Variants in GRID2 observed in about 807,000 individuals in gnomAD.
The protein encoded by GRID2 is glutamate receptor ionotropic, delta-2.
In GRID2, 33 loss-of-function variants were observed where a neutral mutation model predicts 114.8. That is an observed-to-expected ratio of 0.29 (90% CI 0.22 to 0.38). The LOEUF is 0.38. Ranked by LOEUF, GRID2 falls within the 10% of genes least tolerant of loss-of-function variation. The pLI is 1.00. For missense variants in GRID2, 1,184 were observed against 1,257.7 expected (o/e 0.94, Z 0.89); for synonymous variants, 505 against 449.9 (o/e 1.12, Z -1.55).
At chr4:93,576,104 T>TGTAACATCCTATG (rs1485540507) in intron 13 of GRID2, among the ~76,000 whole-genome samples, 1 of 152,248 alleles carries the variant, frequency 6.6e-6, no homozygotes, top group Non-Finnish European at 1.5e-5. Flanking sequence ...CATCCTATGA[T>TGTAACATCCTATG]ATAAGGATAT....
chr4:92,836,564 T>C (rs982539268), intron 2 of GRID2, among the ~76,000 whole-genome samples: 17 of 152,096 alleles, frequency 1.1e-4, no homozygotes, highest in African/African-American at 4.1e-4. Flanking sequence ...AATATTTGCA[T>C]TGTTATATAT....
chr4:92,518,885 G>A (rs1412384310), intron 1 of GRID2, among the ~76,000 whole-genome samples: 1 of 151,688 alleles, frequency 6.6e-6, no homozygotes, highest in African/African-American at 2.4e-5. Context: ...TTGCCACATA[G>A]TTTATCACAA....
intron 1 of GRID2, among the ~76,000 whole-genome samples, chr4:92,402,109 T>G (rs750967121): frequency 6.6e-6 from 1 of 152,210 alleles, no homozygotes; most frequent in Non-Finnish European, 1.5e-5. Flanking sequence ...TTCTTATCTA[T>G]TCAAGTTTTA....
rs555498450 is a variant in GRID2 at position 92,959,221 on chromosome 4, T to C, written c.245-125774T>C. ...CTCTGGTTTTTAGTACTACTATTAT[T>C]ACTTCCAGTTACTTTTTATTTAATT... On this transcript the variant is annotated intron_variant, in intron 2 of 15. Transcript: ENST00000282020. 7.0e-4 allele frequency among the ~76,000 whole-genome samples: 107 copies of C among 151,962 alleles called. 5 individuals are homozygous for C. In the South Asian group the frequency reaches 0.021, roughly 30 times the overall value.
chr4:93,007,566 A>G (rs1721677849), intron 2 of GRID2, among the ~76,000 whole-genome samples: 1 of 152,164 alleles, frequency 6.6e-6, no homozygotes, highest in Non-Finnish European at 1.5e-5. Flanking sequence ...TGTGAATACT[A>G]TACTCACAAG....
At chr4:92,921,978 G>A (rs1749385366) in intron 2 of GRID2, among the ~76,000 whole-genome samples, 1 of 152,198 alleles carries the variant, frequency 6.6e-6, no homozygotes, top group Admixed American at 6.5e-5. Context: ...GCCTCCTTGA[G>A]CTTTGGTGGG....
At chr4:92,855,370 A>C (rs2149428099) in intron 2 of GRID2, among the ~76,000 whole-genome samples, 1 of 152,106 alleles carries the variant, frequency 6.6e-6, no homozygotes, top group African/African-American at 2.4e-5. Context: ...TCAGATAAAA[A>C]ATTATTTGTT....
intron 2 of GRID2, among the ~76,000 whole-genome samples, chr4:92,606,415 A>C (rs1396186163): frequency 6.6e-6 from 1 of 152,058 alleles, no homozygotes; most frequent in East Asian, 1.9e-4. Flanking sequence ...CTAGAACACT[A>C]GTTTCGCTTT....
At chr4:92,629,366 A>G (rs1019390191) in intron 2 of GRID2, among the ~76,000 whole-genome samples, 2 of 152,084 alleles carry the variant, frequency 1.3e-5, no homozygotes, top group South Asian at 2.1e-4. Flanking sequence ...TGGACACCAT[A>G]TAAGATCATT....
At chr4:93,507,100 C>A (rs959534247) in intron 12 of GRID2, among the ~76,000 whole-genome samples, 5 of 152,154 alleles carry the variant, frequency 3.3e-5, no homozygotes, top group Admixed American at 2.6e-4. Context: ...AAAACTCTTT[C>A]CTGAGCCTAC....
At chr4:92,989,754 A>C (rs1392639588) in intron 2 of GRID2, among the ~76,000 whole-genome samples, 4 of 152,152 alleles carry the variant, frequency 2.6e-5, no homozygotes, top group African/African-American at 9.7e-5. Context: ...ATTGAGCCAA[A>C]ATCTTTCACA....
intron 14 of GRID2, among the ~76,000 whole-genome samples, chr4:93,734,462 C>T (rs1156742742): frequency 6.6e-6 from 1 of 151,952 alleles, no homozygotes; most frequent in South Asian, 2.1e-4. Flanking sequence ...TTATTGAAAT[C>T]AAAAGTTACA....
At chr4:92,695,385 C>G (rs939564209) in intron 2 of GRID2, among the ~76,000 whole-genome samples, 1 of 151,644 alleles carries the variant, frequency 6.6e-6, no homozygotes, top group African/African-American at 2.4e-5. Flanking sequence ...AATAGAAACA[C>G]AACAAAAGGA....
intron 2 of GRID2, among the ~76,000 whole-genome samples, chr4:92,817,935 T>A (rs1002999297): frequency 6.6e-6 from 1 of 152,206 alleles, no homozygotes; most frequent in African/African-American, 2.4e-5. Flanking sequence ...TACAGAATTA[T>A]AAGTGGTAGA....
intron 2 of GRID2, among the ~76,000 whole-genome samples, chr4:92,915,208 G>A (rs1748688213): frequency 6.6e-6 from 1 of 152,120 alleles, no homozygotes; most frequent in Non-Finnish European, 1.5e-5. Context: ...CCATTATTCA[G>A]TTATCTTCAC....
chr4:92,789,141 G>A (rs1051666106), intron 2 of GRID2, among the ~76,000 whole-genome samples: 1 of 151,742 alleles, frequency 6.6e-6, no homozygotes, highest in African/African-American at 2.4e-5. Flanking sequence ...TCTGTTGCTT[G>A]AGAAACCTTG....
chr4:93,553,937 C>G (rs1334341695), intron 13 of GRID2, among the ~76,000 whole-genome samples: 1 of 152,042 alleles, frequency 6.6e-6, no homozygotes, highest in Non-Finnish European at 1.5e-5. Flanking sequence ...AAAAATGAAT[C>G]AACATTTATC....
intron 10 of GRID2, among the ~76,000 whole-genome samples, chr4:93,424,081 A>C (rs904154978): frequency 6.6e-6 from 1 of 152,136 alleles, no homozygotes; most frequent in Non-Finnish European, 1.5e-5. Flanking sequence ...ATAAAAAGTA[A>C]TAAATTTTCA....
At chr4:93,010,030 C>T (rs920014324) in intron 2 of GRID2, among the ~76,000 whole-genome samples, 1 of 151,970 alleles carries the variant, frequency 6.6e-6, no homozygotes, top group African/African-American at 2.4e-5. Context: ...AAGGTCCTGT[C>T]AACTAACCTT....
Sources: allele counts gnomAD v4.1 joint callset (sites outside exome capture counted in the v4.1 genomes callset), GRCh38; gene constraint gnomAD v4.1.1; transcripts MANE v1.5; gene names NCBI Gene and HGNC (gene_info 2026-07-23, HGNC 2026-07-21).